Variants in HMBOX1 observed in about 807,000 individuals in gnomAD.
HMBOX1 encodes homeobox containing 1, also known as homeobox-containing protein 1.
A neutral mutation model predicts 54.5 loss-of-function variants in HMBOX1; 14 were observed. The ratio of observed to expected loss-of-function variants is 0.26; its 90% CI spans 0.17 to 0.40. HMBOX1 has a LOEUF of 0.40. HMBOX1 is among the 10% of genes least tolerant of loss of function. HMBOX1 has a pLI of 1.00. For missense variants in HMBOX1, 332 were observed against 514.4 expected, an observed-to-expected ratio of 0.65 and a Z score of 3.43; for synonymous variants, 160 against 181.0, an observed-to-expected ratio of 0.88 and a Z score of 0.93.
chr8:28,960,216 A>G (rs1368612186), intron 1 of HMBOX1, among the ~76,000 whole-genome samples: 1 of 151,734 alleles, frequency 6.6e-6, no homozygotes, highest in Non-Finnish European at 1.5e-5. Context: ...TTTGACTTTT[A>G]AAAATGAGCC....
intron 3 of HMBOX1, among the ~76,000 whole-genome samples, chr8:28,971,380 T>A (rs1827387721): frequency 6.6e-6 from 1 of 152,048 alleles, no homozygotes; most frequent in Non-Finnish European, 1.5e-5. Context: ...CATGAGCCAC[T>A]GCACCCAGCC....
intron 2 of HMBOX1, among the ~76,000 whole-genome samples, chr8:28,964,935 A>G (rs142977569): frequency 2.4e-3 from 367 of 152,206 alleles, no homozygotes; most frequent in African/African-American, 8.1e-3. Flanking sequence ...TACCATTTCT[A>G]TTTTCAACTT....
chr8:28,999,987 A>G (rs1832401535), intron 4 of HMBOX1, among the ~76,000 whole-genome samples: 1 of 152,290 alleles, frequency 6.6e-6, no homozygotes, highest in Non-Finnish European at 1.5e-5. Context: ...TGGAAATTCT[A>G]AGTAATGTGG....
intron 4 of HMBOX1, among the ~76,000 whole-genome samples, chr8:28,999,736 TATA>T (rs1832362675): frequency 6.6e-6 from 1 of 152,180 alleles, no homozygotes; most frequent in Non-Finnish European, 1.5e-5. Context: ...ATTTGGTTCT[TATA>T]ATTTTTGTCT....
intron 1 of HMBOX1, among the ~76,000 whole-genome samples, chr8:28,936,083 T>C (rs1820358317): frequency 6.6e-6 from 1 of 152,114 alleles, no homozygotes; most frequent in Non-Finnish European, 1.5e-5. Context: ...AGTTGGTCCT[T>C]AATAGTTCCT....
At chr8:29,034,250 CT>C (rs1803471890) in intron 6 of HMBOX1, among the ~76,000 whole-genome samples, 1 of 152,124 alleles carries the variant, frequency 6.6e-6, no homozygotes, top group Non-Finnish European at 1.5e-5. Context: ...TTAGAGTATA[CT>C]TTGAAAACCT....
intron 1 of HMBOX1, among the ~76,000 whole-genome samples, chr8:28,939,246 A>C (rs958953547): frequency 6.6e-6 from 1 of 151,140 alleles, no homozygotes; most frequent in African/African-American, 2.4e-5. Flanking sequence ...CCGAGATTGC[A>C]CCATTGCACT....
chr8:28,894,684 A>T (rs1811738156), intron 1 of HMBOX1, among the ~76,000 whole-genome samples: 1 of 152,238 alleles, frequency 6.6e-6, no homozygotes, highest in Non-Finnish European at 1.5e-5. Flanking sequence ...TTTTAGTTGC[A>T]GTGTATTCAA....
intron 1 of HMBOX1, among the ~76,000 whole-genome samples, chr8:28,904,073 A>C (rs912767021): frequency 6.6e-6 from 1 of 152,114 alleles, no homozygotes; most frequent in African/African-American, 2.4e-5. Flanking sequence ...TCTAGGGCCA[A>C]CGCCTTTTCT....
intron 1 of HMBOX1, among the ~76,000 whole-genome samples, chr8:28,951,690 C>G (rs1823440730): frequency 6.6e-6 from 1 of 151,994 alleles, no homozygotes; most frequent in South Asian, 2.1e-4. Context: ...ATTTAATATA[C>G]AAAAAAATGA....
At chr8:29,012,515 C>T (rs562097333) in intron 5 of HMBOX1, among the ~76,000 whole-genome samples, 180 of 152,210 alleles carry the variant, frequency 1.2e-3, no homozygotes, top group Middle Eastern at 6.8e-3. Flanking sequence ...ATAACAGTAT[C>T]AAGGGCATAT....
intron 3 of HMBOX1, among the ~76,000 whole-genome samples, chr8:28,974,185 T>C (rs910601639): frequency 1.3e-5 from 2 of 151,996 alleles, no homozygotes; most frequent in Non-Finnish European, 2.9e-5. Context: ...TAAGAAACAA[T>C]GAAAAAGTAA....
chr8:28,907,647 G>A (rs1367173281), intron 1 of HMBOX1, among the ~76,000 whole-genome samples: 1 of 152,032 alleles, frequency 6.6e-6, no homozygotes, highest in Non-Finnish European at 1.5e-5. Flanking sequence ...CATGTCTGTG[G>A]GATCCTAGAT....
chr8:28,989,189 T>C (rs1830588068), intron 4 of HMBOX1, among the ~76,000 whole-genome samples: 1 of 152,060 alleles, frequency 6.6e-6, no homozygotes, highest in African/African-American at 2.4e-5. Context: ...GGAGAATTGC[T>C]TGAACCTGGG....
intron 4 of HMBOX1, among the ~76,000 whole-genome samples, chr8:28,985,740 A>C (rs1175734220): frequency 6.6e-6 from 1 of 152,226 alleles, no homozygotes; most frequent in Non-Finnish European, 1.5e-5. Context: ...TAAGTTCCCT[A>C]ATCAGAGAAC....
chr8:28,906,624 C>G (rs1414401925), intron 1 of HMBOX1, among the ~76,000 whole-genome samples: 1 of 152,120 alleles, frequency 6.6e-6, no homozygotes, highest in Non-Finnish European at 1.5e-5. Context: ...GAGTCTCACT[C>G]TGTCCCTCAG....
chr8:28,894,583 T>A (rs1178072258), intron 1 of HMBOX1, among the ~76,000 whole-genome samples: 1 of 152,208 alleles, frequency 6.6e-6, no homozygotes, highest in African/African-American at 2.4e-5. Flanking sequence ...GATTCCTAGG[T>A]GCAGCTATTC....
chr8:28,914,956 A>G lies in HMBOX1; in HGVS notation c.-58+24278A>G, dbSNP rs533527400. Among the ~76,000 whole-genome samples, 54 of 152,340 alleles carry G rather than the reference A, an allele frequency of 3.5e-4. 1 individual carries two copies. Among genetic ancestry groups the G allele is most frequent in the Admixed American group, 1.6e-3 (24 of 15,310 alleles). On this transcript the variant is annotated intron_variant, in intron 1 of 9. Transcript: ENST00000287701. ...GGCTATAGAAGTACTTCTGGATTAG[A>G]TATGTTCAGTTGCAAAATAACAAAT...
chr8:28,986,749 G>A (rs1830222022), intron 4 of HMBOX1, among the ~76,000 whole-genome samples: 1 of 152,162 alleles, frequency 6.6e-6, no homozygotes, highest in African/African-American at 2.4e-5. Context: ...AGGAACAGAT[G>A]TTATTCCAGG....
Sources: gnomAD v4.1 joint callset for allele counts (sites outside exome capture counted in the v4.1 genomes callset) on GRCh38, gnomAD v4.1.1 for gene constraint, MANE v1.5 for transcripts, NCBI Gene and HGNC (gene_info 2026-07-23, HGNC 2026-07-21) for gene names.